DCBLD1: variants seen among roughly 807,000 people sequenced by gnomAD.
DCBLD1 encodes the protein discoidin, CUB and LCCL domain-containing protein 1.
A neutral mutation model predicts 71.5 loss-of-function variants in DCBLD1; 57 were observed. That is an observed-to-expected ratio of 0.80 (90% CI 0.64 to 0.99). The LOEUF (loss-of-function observed/expected upper bound fraction) is 0.99. Ranked by LOEUF, DCBLD1 falls within the 50% of genes least tolerant of loss-of-function variation. The probability of loss-of-function intolerance (pLI) is 0.00; values close to 1 mark genes in which losing one functional copy is unlikely to be tolerated. For synonymous variants in DCBLD1, 380 were observed against 363.8 expected, an observed-to-expected ratio of 1.04 and a Z score of -0.51; for missense variants, 891 against 923.5, an observed-to-expected ratio of 0.96 and a Z score of 0.46.
intron 1 of DCBLD1, among the ~76,000 whole-genome samples, chr6:117,492,522 G>A (rs1777328551): frequency 6.6e-6 from 1 of 152,134 alleles, no homozygotes. Context: ...CAGTTTGAGG[G>A]AGTTACTTAT....
At chr6:117,560,961 C>T (rs1779573223) in intron 14 of DCBLD1, 1 of 212,286 alleles carries the variant, frequency 4.7e-6, no homozygotes. Context: ...GTTCTCAGTC[C>T]TTTGGAACTA....
Position 117,482,770 on chromosome 6 carries a change from C to T in DCBLD1, c.-12C>T. 1 of 1,135,538 alleles carries T rather than the reference C, an allele frequency of 8.8e-7. No individual in the cohort carries two copies. The highest frequency in any genetic ancestry group is 4.5e-5 in the East Asian group (1 of 22,342). 70.3% of individuals were successfully genotyped at this position (1,135,538 alleles called of 1,614,324 possible). ...GGAGGCCGAGCTTGCCAAGCTGGCG[C>T]CCAGCGGGGTCATGGTGCCCGGCGC... On this transcript the variant is annotated 5_prime_UTR_variant, in exon 1 of 15. Coordinates refer to ENST00000338728, the MANE Select transcript of DCBLD1 (RefSeq NM_001366458.2).
downstream of DCBLD1, among the ~76,000 whole-genome samples, chr6:117,554,432 CA>C (rs1188630480): frequency 6.6e-6 from 1 of 152,182 alleles, no homozygotes; most frequent in African/African-American, 2.4e-5. Context: ...AAAGTCTTTT[CA>C]GCATCTATGG....
intron 1 of DCBLD1, among the ~76,000 whole-genome samples, chr6:117,501,585 G>C (rs368952277): frequency 6.6e-6 from 1 of 152,074 alleles, no homozygotes; most frequent in African/African-American, 2.4e-5. Context: ...CCGCTGCCTT[G>C]GCCTCCCAAA....
At chr6:117,541,705 C>G (rs1434441442) in intron 11 of DCBLD1, among the ~76,000 whole-genome samples, 1 of 152,108 alleles carries the variant, frequency 6.6e-6, no homozygotes, top group East Asian at 1.9e-4. Context: ...AAAAATTAGT[C>G]ATAAATCAGT....
downstream of DCBLD1, among the ~76,000 whole-genome samples, chr6:117,551,887 G>A (rs1312083704): frequency 6.6e-6 from 1 of 152,152 alleles, no homozygotes; most frequent in Non-Finnish European, 1.5e-5. Context: ...CACTTTAAGA[G>A]TCTGAGGCAG....
chr6:117,552,335 ATCAATATTAGC>A (rs1779442923), downstream of DCBLD1, among the ~76,000 whole-genome samples: 1 of 152,150 alleles, frequency 6.6e-6, no homozygotes, highest in Non-Finnish European at 1.5e-5. Context: ...TAGATGATCG[ATCAATATTAGC>A]TCATTTTCTC....
intron 14 of DCBLD1, among the ~76,000 whole-genome samples, chr6:117,568,727 G>A (rs1351307937): frequency 6.6e-6 from 1 of 152,140 alleles, no homozygotes; most frequent in Non-Finnish European, 1.5e-5. Flanking sequence ...ATGAGAAAAA[G>A]CTTTCTAAAA....
intron 3 of DCBLD1, among the ~76,000 whole-genome samples, chr6:117,520,981 T>C (rs775167039): frequency 5.3e-5 from 8 of 152,240 alleles, no homozygotes; most frequent in Non-Finnish European, 1.2e-4. Flanking sequence ...CCTCTATTGC[T>C]GAATATTAGT....
intron 6 of DCBLD1, among the ~76,000 whole-genome samples, chr6:117,536,350 C>T (rs915706803): frequency 5.3e-5 from 8 of 152,168 alleles, no homozygotes; most frequent in African/African-American, 1.2e-4. Flanking sequence ...ATTTTCCATT[C>T]GTTCTCTGTA....
At chr6:117,485,168 A>G (rs1777043961) in intron 1 of DCBLD1, 1 of 152,202 alleles carries the variant, frequency 6.6e-6, no homozygotes, top group East Asian at 1.9e-4. Context: ...TATTACCTTG[A>G]TATACATTTT....
At chr6:117,559,484 G>A (rs903933204) in intron 14 of DCBLD1, among the ~76,000 whole-genome samples, 1 of 152,176 alleles carries the variant, frequency 6.6e-6, no homozygotes, top group African/African-American at 2.4e-5. Flanking sequence ...CTGACTGGCA[G>A]CAGCATGGAG....
chr6:117,503,662 A>C (rs371758820), intron 1 of DCBLD1, 105 bp from the exon 2 acceptor site: 8 of 1,282,888 alleles, frequency 6.2e-6, no homozygotes, highest in African/African-American at 4.5e-5. Context: ...CCTTCTGCCC[A>C]AAAACAATAA....
intron 3 of DCBLD1, 96 bp downstream of exon 3, chr6:117,520,046 G>A: frequency 1.3e-6 from 2 of 1,557,008 alleles, no homozygotes; most frequent in Non-Finnish European, 1.8e-6. Context: ...TGTGGACTCA[G>A]ATGCAGAATT....
rs35544994 is a variant in DCBLD1, at chr6:117,538,610, C to CT, written c.761-4dup. 2.5e-6 allele frequency: 4 copies of CT among 1,613,148 alleles called. No individual in the cohort carries two copies. The highest frequency in any genetic ancestry group is 1.1e-5 in the South Asian group (1 of 90,842). ...TGTATCTAAAATATCTTACTGCACT[C>CT]TTTTTTCAGGTTGCAGCAGATCCTT... On this transcript the variant is annotated splice_polypyrimidine_tract_variant and intron_variant, in intron 7 of 14. Coordinates refer to ENST00000338728, the MANE Select transcript of DCBLD1 (RefSeq NM_001366458.2).
intron 1 of DCBLD1, among the ~76,000 whole-genome samples, chr6:117,500,989 G>A (rs1777637720): frequency 7.1e-6 from 1 of 140,924 alleles, no homozygotes; most frequent in East Asian, 2.0e-4. Flanking sequence ...ATATTTAACT[G>A]TTTTCTGAAA....
At chr6:117,524,639 A>G (rs1486953237) in intron 4 of DCBLD1, among the ~76,000 whole-genome samples, 2 of 152,190 alleles carry the variant, frequency 1.3e-5, no homozygotes, top group Non-Finnish European at 2.9e-5. Context: ...GGTGAGTGCA[A>G]ATTGAGGGGT....
chr6:117,486,277 A>G (rs999949834), intron 1 of DCBLD1, among the ~76,000 whole-genome samples: 2 of 152,322 alleles, frequency 1.3e-5, no homozygotes, highest in East Asian at 1.9e-4. Flanking sequence ...TAAAGCAGGG[A>G]AAAAAAGTTT....
intron 2 of DCBLD1, among the ~76,000 whole-genome samples, chr6:117,518,242 C>T (rs1282499951): frequency 6.6e-6 from 1 of 152,224 alleles, no homozygotes; most frequent in African/African-American, 2.4e-5. Context: ...TTTGCTCAAA[C>T]ATAACAAGAG....
Sources: allele counts gnomAD v4.1 joint callset (sites outside exome capture counted in the v4.1 genomes callset), GRCh38; gene constraint gnomAD v4.1.1; transcripts MANE v1.5; gene names NCBI Gene and HGNC (gene_info 2026-07-23, HGNC 2026-07-21).